The following NAV2 variants were observed in gnomAD, a reference collection of about 807,000 sequenced individuals.
The protein encoded by NAV2 is neuron navigator 2, also known as helicase, APC down-regulated 1.
A neutral mutation model predicts 223.2 loss-of-function variants in NAV2; 54 were observed. The ratio of observed to expected loss-of-function variants is 0.24; its 90% CI spans 0.19 to 0.30. The LOEUF is 0.30. Among genes scored for constraint, NAV2 ranks in the 10% least tolerant of loss-of-function variants. The pLI is 1.00. For synonymous variants in NAV2, 1,279 were observed against 1,239.3 expected (o/e 1.03, Z -0.67); for missense variants, 2,806 against 3,147.5 (o/e 0.89, Z 2.60).
rs549373259 is a variant in NAV2 at position 19,553,870 on chromosome 11, G to T, written c.75+202843G>T. Reference sequence around the variant, plus strand: ...GTGCCAGCCGGGTAGTCATCAGATGGTGGAGGCCCAGAATGGGTGGCAAAC... The same window carrying T: ...GTGCCAGCCGGGTAGTCATCAGATGTTGGAGGCCCAGAATGGGTGGCAAAC... On this transcript the variant is annotated intron_variant, in intron 1 of 37. Coordinates refer to the NAV2 transcript ENST00000360655. Among the ~76,000 whole-genome samples the T allele has an allele frequency of 2.0e-5, 3 of 152,344 alleles. No homozygotes were observed. In the South Asian group the frequency reaches 6.2e-4, roughly 32 times the overall value.
At chr11:19,972,805 T>C (rs1368833463) in intron 10 of NAV2, among the ~76,000 whole-genome samples, 4 of 152,112 alleles carry the variant, frequency 2.6e-5, no homozygotes, top group Non-Finnish European at 4.4e-5. Context: ...AAGGACTGAG[T>C]CTGATTTTTA....
intron 1 of NAV2, among the ~76,000 whole-genome samples, chr11:19,737,470 G>T (rs2052430749): frequency 6.6e-6 from 1 of 152,206 alleles, no homozygotes; most frequent in South Asian, 2.1e-4. Flanking sequence ...AGGAGATGGG[G>T]AAAGGGCCCA....
chr11:20,092,421 G>C, intron 28 of NAV2, 53 bp downstream of exon 28: 2 of 1,561,496 alleles, frequency 1.3e-6, no homozygotes, highest in Admixed American at 1.8e-5. Flanking sequence ...CTGGCACCCT[G>C]ATCTCTAAGC....
chr11:19,747,473 A>G (rs1298864637), intron 1 of NAV2, among the ~76,000 whole-genome samples: 1 of 152,168 alleles, frequency 6.6e-6, no homozygotes, highest in Non-Finnish European at 1.5e-5. Context: ...CAGATATAGG[A>G]GTCAAATTCA....
intron 1 of NAV2, among the ~76,000 whole-genome samples, chr11:19,680,177 C>T (rs1019126964): frequency 1.3e-5 from 2 of 152,204 alleles, no homozygotes; most frequent in Non-Finnish European, 2.9e-5. Flanking sequence ...CCTGCCTCCT[C>T]ACAAAAGATA....
intron 11 of NAV2, chr11:20,022,740 G>A (rs1410317685): frequency 1.0e-5 from 11 of 1,077,326 alleles, no homozygotes; most frequent in Non-Finnish European, 1.2e-5. Flanking sequence ...AATTTGACCC[G>A]CTGTTGCAAA....
At chr11:19,424,794 G>C (rs986269202) in intron 1 of NAV2, among the ~76,000 whole-genome samples, 29 of 151,896 alleles carry the variant, frequency 1.9e-4, no homozygotes, top group African/African-American at 6.8e-4. Context: ...CAAGTGATCC[G>C]CCCACCTCAG....
At position 20,013,100 on chromosome 11, in the gene NAV2, C is replaced by T. The variant is rs186705168; in HGVS notation, c.2769-22859C>T. 6.6e-5 allele frequency among the ~76,000 whole-genome samples: 10 copies of T among 152,272 alleles called. No homozygotes were observed. In the East Asian group the frequency reaches 1.2e-3, roughly 18 times the overall value. The stretch of plus-strand genomic sequence containing the variant: ...TTTATGAATAAGTTGGACCTGGGTC[C>T]AGATTTTGGCTTTAGCATTTTTTGG... On this transcript the variant is annotated intron_variant, in intron 11 of 37. Transcript: ENST00000349880.
At chr11:20,089,415 A>G (rs2060671922) in intron 26 of NAV2, among the ~76,000 whole-genome samples, 1 of 152,238 alleles carries the variant, frequency 6.6e-6, no homozygotes, top group Non-Finnish European at 1.5e-5. Flanking sequence ...TAACAATTTT[A>G]TAAATCATTT....
chr11:19,878,742 T>C (rs965426617), intron 4 of NAV2, among the ~76,000 whole-genome samples: 2 of 152,222 alleles, frequency 1.3e-5, no homozygotes, highest in Non-Finnish European at 2.9e-5. Context: ...CTTCCTCCTC[T>C]GCGTGGAAAG....
chr11:19,614,537 A>T (rs2046738164), intron 1 of NAV2, among the ~76,000 whole-genome samples: 1 of 152,130 alleles, frequency 6.6e-6, no homozygotes, highest in Non-Finnish European at 1.5e-5. Context: ...TCAATATCGC[A>T]CCAGTGTGTG....
chr11:19,836,094 T>C (rs553866139), intron 2 of NAV2, among the ~76,000 whole-genome samples: 179 of 152,176 alleles, frequency 1.2e-3, no homozygotes, highest in Non-Finnish European at 2.0e-3. Context: ...GATAAGAATT[T>C]TATTCACTAC....
At chr11:19,376,646 C>T (rs1848651088) in intron 1 of NAV2, among the ~76,000 whole-genome samples, 1 of 152,214 alleles carries the variant, frequency 6.6e-6, no homozygotes, top group East Asian at 1.9e-4. Flanking sequence ...TATGAAAGAT[C>T]TACTATATAC....
chr11:19,354,568 T>C (rs1402551978), intron 1 of NAV2, among the ~76,000 whole-genome samples: 1 of 152,232 alleles, frequency 6.6e-6, no homozygotes, highest in East Asian at 1.9e-4. Context: ...ACATTTCATA[T>C]TTATGATTAT....
chr11:19,828,649 C>T (rs531486139), intron 1 of NAV2, among the ~76,000 whole-genome samples: 2 of 140,702 alleles, frequency 1.4e-5, no homozygotes, highest in East Asian at 2.0e-4. Context: ...CCATCACACC[C>T]GGCTAATTTT....
chr11:19,820,242 G>A (rs992601900), intron 1 of NAV2, among the ~76,000 whole-genome samples: 1 of 152,244 alleles, frequency 6.6e-6, no homozygotes, highest in Non-Finnish European at 1.5e-5. Context: ...CAATAAGTGT[G>A]CTTGCAGCTG....
intron 1 of NAV2, among the ~76,000 whole-genome samples, chr11:19,379,761 A>G (rs1468668983): frequency 2.0e-5 from 3 of 152,068 alleles, no homozygotes; most frequent in African/African-American, 7.2e-5. Context: ...TTCCTCTGAG[A>G]CTTCCTCGCA....
At chr11:19,441,444 A>ACG (rs1173750466) in intron 1 of NAV2, among the ~76,000 whole-genome samples, 14 of 136,518 alleles carry the variant, frequency 1.0e-4, no homozygotes, top group South Asian at 4.7e-4. Context: ...ACACACACAC[A>ACG]CACGCACACA....
chr11:19,839,038 G>A (rs1227818689), intron 2 of NAV2, among the ~76,000 whole-genome samples: 3 of 152,146 alleles, frequency 2.0e-5, no homozygotes, highest in Non-Finnish European at 4.4e-5. Flanking sequence ...TCTTCTATAA[G>A]GCAGAAGAAA....
Sources: gnomAD v4.1 joint callset for allele counts (sites outside exome capture counted in the v4.1 genomes callset) on GRCh38, gnomAD v4.1.1 for gene constraint, MANE v1.5 for transcripts, NCBI Gene and HGNC (gene_info 2026-07-23, HGNC 2026-07-21) for gene names.